The following GPC5 variants were observed in gnomAD, a reference collection of about 807,000 sequenced individuals.
The protein encoded by GPC5 is glypican-5.
A neutral mutation model predicts 53.9 loss-of-function variants in GPC5; 47 were observed. The ratio of observed to expected loss-of-function variants is 0.87; its 90% CI spans 0.69 to 1.11. The LOEUF is 1.11. Ranked by LOEUF, GPC5 falls within the 50% of genes most tolerant of loss-of-function variation. The pLI, the probability that GPC5 is intolerant of heterozygous loss-of-function variation, is 0.00. For missense variants in GPC5, 748 were observed against 713.1 expected, an observed-to-expected ratio of 1.05 and a Z score of -0.56; for synonymous variants, 286 against 263.3, an observed-to-expected ratio of 1.09 and a Z score of -0.84.
chr13:92,092,024 G>C (rs1244933755), intron 6 of GPC5, among the ~76,000 whole-genome samples: 2 of 152,042 alleles, frequency 1.3e-5, no homozygotes, highest in African/African-American at 4.8e-5. Context: ...TATCTATCTA[G>C]CTAGCTATGT....
At chr13:92,625,597 C>A (rs913232233) in intron 7 of GPC5, among the ~76,000 whole-genome samples, 7 of 152,130 alleles carry the variant, frequency 4.6e-5, no homozygotes, top group Non-Finnish European at 8.8e-5. Flanking sequence ...AGCCTTCTGC[C>A]AGCTTCCCCC....
chr13:92,594,044 A>G (rs1481458313), intron 7 of GPC5, among the ~76,000 whole-genome samples: 1 of 152,208 alleles, frequency 6.6e-6, no homozygotes, highest in Non-Finnish European at 1.5e-5. Context: ...AAATTTTACA[A>G]TCTGGCAACA....
chr13:92,618,948 C>G (rs1483901745), intron 7 of GPC5, among the ~76,000 whole-genome samples: 6 of 151,874 alleles, frequency 4.0e-5, no homozygotes, highest in Admixed American at 3.9e-4. Flanking sequence ...CTCACATGTT[C>G]AGTAACCAAA....
intron 7 of GPC5, among the ~76,000 whole-genome samples, chr13:92,266,387 G>A (rs1418005606): frequency 1.3e-5 from 2 of 152,106 alleles, no homozygotes; most frequent in Non-Finnish European, 2.9e-5. Context: ...CTGGCTAGAG[G>A]AAGATGCTCT....
At chr13:92,316,211 CTT>C (rs2043178258) in intron 7 of GPC5, among the ~76,000 whole-genome samples, 1 of 151,976 alleles carries the variant, frequency 6.6e-6, no homozygotes, top group Admixed American at 6.6e-5. Context: ...ATTATATAAA[CTT>C]AAAAAAAATT....
chr13:92,222,043 G>A (rs1249983688), intron 7 of GPC5, among the ~76,000 whole-genome samples: 1 of 152,078 alleles, frequency 6.6e-6, no homozygotes. Context: ...TTTTGCTGGT[G>A]GGAACTTTCT....
chr13:92,846,501 T>C (rs1878617086), intron 7 of GPC5, among the ~76,000 whole-genome samples: 1 of 152,216 alleles, frequency 6.6e-6, no homozygotes, highest in African/African-American at 2.4e-5. Flanking sequence ...TAGTGATTTT[T>C]GCAATCCTAC....
chr13:92,636,439 A>G (rs1055694666), intron 7 of GPC5, among the ~76,000 whole-genome samples: 2 of 152,050 alleles, frequency 1.3e-5, no homozygotes, highest in Admixed American at 1.3e-4. Context: ...CCTTCTTGTC[A>G]AGTTGTCAGC....
intron 7 of GPC5, among the ~76,000 whole-genome samples, chr13:92,399,718 A>G (rs1027693761): frequency 6.6e-6 from 1 of 152,102 alleles, no homozygotes; most frequent in African/African-American, 2.4e-5. Flanking sequence ...CTTGTGGGAG[A>G]CCCAGTTTAG....
At chr13:92,303,717 T>C (rs1214869232) in intron 7 of GPC5, among the ~76,000 whole-genome samples, 1 of 152,174 alleles carries the variant, frequency 6.6e-6, no homozygotes, top group Non-Finnish European at 1.5e-5. Flanking sequence ...TCATAATGCA[T>C]AGAAAATCTG....
intron 7 of GPC5, among the ~76,000 whole-genome samples, chr13:92,454,311 G>GT (rs1356379530): frequency 6.6e-6 from 1 of 151,910 alleles, no homozygotes. Context: ...GTTTTATGTT[G>GT]TTTTTTTGCT....
intron 2 of GPC5, among the ~76,000 whole-genome samples, chr13:91,512,688 G>A (rs1885297252): frequency 6.6e-6 from 1 of 152,120 alleles, no homozygotes; most frequent in Non-Finnish European, 1.5e-5. Flanking sequence ...GCCTGTAAAT[G>A]GCTGTTAAAG....
chr13:92,060,794 A>C (rs544728248), intron 6 of GPC5, among the ~76,000 whole-genome samples: 7 of 152,012 alleles, frequency 4.6e-5, no homozygotes, highest in African/African-American at 1.4e-4. Flanking sequence ...TACAATTGAG[A>C]ATAGAAATTA....
chr13:91,826,044 A>T (rs1197959505), intron 5 of GPC5, among the ~76,000 whole-genome samples: 2 of 152,056 alleles, frequency 1.3e-5, no homozygotes, highest in Non-Finnish European at 2.9e-5. Flanking sequence ...ACTAAAAATA[A>T]CATTCTTCAG....
intron 7 of GPC5, among the ~76,000 whole-genome samples, chr13:92,708,969 A>G (rs934354351): frequency 7.4e-6 from 1 of 135,736 alleles, no homozygotes; most frequent in Non-Finnish European, 1.5e-5. Context: ...TGCAACCTCC[A>G]CCTACCACAT....
Position 92,201,750 on chromosome 13 carries a change from T to C in GPC5, c.1561+56761T>C, listed in dbSNP as rs371490754. 5.3e-4 allele frequency among the ~76,000 whole-genome samples: 80 copies of C among 152,304 alleles called. 1 individual carries two copies. In the South Asian group the frequency reaches 0.016, roughly 30 times the overall value. On this transcript the variant is annotated intron_variant, in intron 7 of 7. Transcript: ENST00000377067. ...AAAGAAATTAAAGAACACAAGAATATTGAATGACTAAATTATGTAGAATTA... is the reference window on the plus strand; with the variant it reads ...AAAGAAATTAAAGAACACAAGAATACTGAATGACTAAATTATGTAGAATTA...
chr13:91,826,084 C>T (rs534625026), intron 5 of GPC5, among the ~76,000 whole-genome samples: 34 of 151,998 alleles, frequency 2.2e-4, no homozygotes, highest in Non-Finnish European at 4.0e-4. Flanking sequence ...GAGTTTAATA[C>T]ATGTCCACAA....
intron 7 of GPC5, among the ~76,000 whole-genome samples, chr13:92,550,430 T>G (rs893893470): frequency 5.3e-4 from 80 of 151,984 alleles, no homozygotes; most frequent in African/African-American, 1.9e-3. Context: ...ATTTATGGCC[T>G]GTATGAAGTG....
chr13:92,047,852 G>A (rs1018615272), intron 6 of GPC5, among the ~76,000 whole-genome samples: 6 of 150,420 alleles, frequency 4.0e-5, no homozygotes, highest in Non-Finnish European at 5.9e-5. Flanking sequence ...TTAGCCGGGC[G>A]TGGTGGCATG....
Sources: gnomAD v4.1 joint callset for allele counts (sites outside exome capture counted in the v4.1 genomes callset) on GRCh38, gnomAD v4.1.1 for gene constraint, MANE v1.5 for transcripts, NCBI Gene and HGNC (gene_info 2026-07-23, HGNC 2026-07-21) for gene names.